CSMD1: variants seen among roughly 807,000 people sequenced by gnomAD.
CSMD1 encodes CUB and sushi domain-containing protein 1.
A neutral mutation model predicts 417.5 loss-of-function variants in CSMD1; 213 were observed. The ratio of observed to expected loss-of-function variants is 0.51; its 90% CI spans 0.46 to 0.57. The LOEUF (loss-of-function observed/expected upper bound fraction) is 0.57, where lower values mean the gene tolerates loss of function less well. Ranked by LOEUF, CSMD1 falls within the 20% of genes least tolerant of loss-of-function variation. The probability of loss-of-function intolerance (pLI) is 0.00; values close to 1 mark genes in which losing one functional copy is unlikely to be tolerated. For synonymous variants in CSMD1, 2,862 were observed against 1,736.8 expected (o/e 1.65, Z -16.11); for missense variants, 6,923 against 4,529.7 (o/e 1.53, Z -15.17).
intron 5 of CSMD1, among the ~76,000 whole-genome samples, chr8:3,771,976 T>C (rs1798597262): frequency 6.6e-6 from 1 of 151,932 alleles, no homozygotes; most frequent in African/African-American, 2.4e-5. Flanking sequence ...ATTACAGCAT[T>C]TATCCAATTC....
intron 4 of CSMD1, among the ~76,000 whole-genome samples, chr8:4,006,093 C>T (rs1234644104): frequency 6.6e-6 from 1 of 152,198 alleles, no homozygotes. Flanking sequence ...ACAGATGCAA[C>T]AGAAAGCACC....
chr8:3,679,990 G>A (rs933168683), intron 7 of CSMD1, among the ~76,000 whole-genome samples: 1 of 152,078 alleles, frequency 6.6e-6, no homozygotes, highest in Non-Finnish European at 1.5e-5. Context: ...AAACCAACGA[G>A]AACAAAGACA....
At chr8:3,508,545 A>G (rs2117382113) in intron 10 of CSMD1, among the ~76,000 whole-genome samples, 1 of 152,224 alleles carries the variant, frequency 6.6e-6, no homozygotes, top group South Asian at 2.1e-4. Flanking sequence ...TTAAAGAAAT[A>G]CTAAACACTA....
At chr8:4,197,421 G>C (rs1270448110) in intron 3 of CSMD1, among the ~76,000 whole-genome samples, 1 of 152,194 alleles carries the variant, frequency 6.6e-6, no homozygotes, top group African/African-American at 2.4e-5. Context: ...GGTAGAATGA[G>C]TAAAGCAGAT....
chr8:4,606,077 G>C (rs1421407323), intron 2 of CSMD1, among the ~76,000 whole-genome samples: 1 of 152,234 alleles, frequency 6.6e-6, no homozygotes, highest in African/African-American at 2.4e-5. Context: ...TGCGGTGGTG[G>C]GAGGCTATAT....
intron 1 of CSMD1, among the ~76,000 whole-genome samples, chr8:4,726,364 A>AT (rs1238148036): frequency 6.6e-6 from 1 of 152,088 alleles, no homozygotes; most frequent in Non-Finnish European, 1.5e-5. Context: ...TATTATCACC[A>AT]AAAGCTTTCT....
At chr8:3,469,904 G>C (rs1290944444) in intron 11 of CSMD1, among the ~76,000 whole-genome samples, 1 of 152,152 alleles carries the variant, frequency 6.6e-6, no homozygotes. Flanking sequence ...ATTTGTCTTC[G>C]TTGGCAACAT....
At chr8:3,830,917 C>T (rs1244324935) in intron 5 of CSMD1, among the ~76,000 whole-genome samples, 1 of 152,122 alleles carries the variant, frequency 6.6e-6, no homozygotes, top group Non-Finnish European at 1.5e-5. Context: ...TCCTTCCTCT[C>T]ACCTAAAATT....
chr8:4,649,123 C>T (rs1203825941), intron 1 of CSMD1, among the ~76,000 whole-genome samples: 1 of 152,160 alleles, frequency 6.6e-6, no homozygotes, highest in Non-Finnish European at 1.5e-5. Flanking sequence ...ATTATATGAT[C>T]TAACCTTCTC....
chr8:3,029,138 G>T (rs1436034287), intron 51 of CSMD1, among the ~76,000 whole-genome samples, 181 bp downstream of exon 51: 2 of 151,926 alleles, frequency 1.3e-5, no homozygotes, highest in Non-Finnish European at 2.9e-5. Context: ...CAGCAATGTG[G>T]TTTAAGTATG....
rs137941300 is a variant in CSMD1 at position 4,467,119 on chromosome 8, G to C, written c.303-47054C>G. 9.6e-3 allele frequency among the ~76,000 whole-genome samples: 894 copies of C among 93,568 alleles called. 7 individuals are homozygous for C. The highest frequency in any genetic ancestry group is 0.034 in the African/African-American group (818 of 24,370). 61.4% of individuals were successfully genotyped at this position (93,568 alleles called of 152,430 possible). ...ACTTAGTCTTGCTCTAGATTCTTCA[G>C]AGTAAAAAAAAAAAAAAAAAAGAAA... is the stretch of plus-strand genomic sequence containing the variant. On this transcript the variant is annotated intron_variant, in intron 2 of 69. Transcript: ENST00000635120.
At chr8:4,364,367 C>A (rs1318128163) in intron 3 of CSMD1, among the ~76,000 whole-genome samples, 1 of 152,066 alleles carries the variant, frequency 6.6e-6, no homozygotes, top group Non-Finnish European at 1.5e-5. Context: ...AACAGCTTTC[C>A]CCTCTTCAGT....
chr8:3,110,287 G>A lies in CSMD1; in HGVS notation c.6479C>T (p.Pro2160Leu). Reference sequence around the variant, plus strand: ...GATCGGATACTCATCAGGAAAGCCAGGGGAGTAGATGGTGCCGTTCTGAGA... The same window carrying A: ...GATCGGATACTCATCAGGAAAGCCAAGGGAGTAGATGGTGCCGTTCTGAGA... ...VTSQNGTIYS[P>L]GFPDEYPILK... The change falls in exon 43 of 70, where the codon CCT becomes CTT. Residue 2160 changes from proline (P) to leucine (L), a missense_variant. Pro to Leu is a moderately conservative substitution (Grantham distance 98). Transcript: ENST00000635120. 1 of 1,613,548 alleles carries A rather than the reference G, an allele frequency of 6.2e-7. No homozygotes were observed.
chr8:4,550,556 T>C (rs1797825136), intron 2 of CSMD1, among the ~76,000 whole-genome samples: 1 of 152,188 alleles, frequency 6.6e-6, no homozygotes, highest in Non-Finnish European at 1.5e-5. Context: ...AAAGTTTATT[T>C]TTTGAAACAT....
intron 3 of CSMD1, among the ~76,000 whole-genome samples, chr8:4,336,525 T>C (rs1041780898): frequency 6.6e-6 from 1 of 152,148 alleles, no homozygotes; most frequent in African/African-American, 2.4e-5. Context: ...CAATAACGTG[T>C]TCGATGAATG....
rs1029104183 is a variant in CSMD1, at chr8:4,491,734, G to C, written c.303-71669C>G. 2.0e-5 allele frequency among the ~76,000 whole-genome samples: 3 copies of C among 152,274 alleles called. No homozygotes were observed. The East Asian group carries it at 5.8e-4, about 29-fold the overall frequency. Reference sequence around the variant, plus strand: ...TGGCAACACAACCAAATGCTGTTGAGGTTGTGGGGCAACAGGAAGGCTCAC... The same window carrying C: ...TGGCAACACAACCAAATGCTGTTGACGTTGTGGGGCAACAGGAAGGCTCAC... On this transcript the variant is annotated intron_variant, in intron 2 of 69. Coordinates refer to ENST00000635120, the MANE Select transcript of CSMD1 (RefSeq NM_033225.6).
At chr8:3,700,224 C>G (rs779028863) in intron 7 of CSMD1, among the ~76,000 whole-genome samples, 7 of 152,018 alleles carry the variant, frequency 4.6e-5, no homozygotes, top group Non-Finnish European at 7.4e-5. Flanking sequence ...CTCATGTAAC[C>G]ATATACCACC....
chr8:3,399,215 G>C (rs547068892), intron 16 of CSMD1, among the ~76,000 whole-genome samples, 176 bp downstream of exon 16: 1 of 152,294 alleles, frequency 6.6e-6, no homozygotes, highest in African/African-American at 2.4e-5. Context: ...TGTGGGCTTA[G>C]AGGATACCAC....
intron 2 of CSMD1, among the ~76,000 whole-genome samples, chr8:4,469,463 G>A (rs573352308): frequency 1.3e-5 from 2 of 152,312 alleles, no homozygotes; most frequent in East Asian, 1.9e-4. Context: ...GCTACATTTA[G>A]AGAACCAATT....
Sources: gnomAD v4.1 joint callset for allele counts (sites outside exome capture counted in the v4.1 genomes callset) on GRCh38, gnomAD v4.1.1 for gene constraint, MANE v1.5 for transcripts, NCBI Gene and HGNC (gene_info 2026-07-23, HGNC 2026-07-21) for gene names.